The following MAEL variants were observed in gnomAD, a reference collection of about 807,000 sequenced individuals.
MAEL encodes the protein protein maelstrom homolog.
Under a neutral mutation model 62.0 loss-of-function variants are expected in MAEL, and 46 were observed. The ratio of observed to expected loss-of-function variants is 0.74; its 90% CI spans 0.59 to 0.95. The LOEUF is 0.95. MAEL is among the 40% of genes least tolerant of loss of function. The probability of loss-of-function intolerance (pLI) is 0.00; values close to 1 mark genes in which losing one functional copy is unlikely to be tolerated. For missense variants in MAEL, 497 were observed against 526.8 expected (o/e 0.94, Z 0.55); for synonymous variants, 172 against 175.5 (o/e 0.98, Z 0.16).
intron 9 of MAEL, among the ~76,000 whole-genome samples, chr1:167,017,059 C>T (rs1665425926): frequency 6.6e-6 from 1 of 151,954 alleles, no homozygotes; most frequent in Admixed American, 6.6e-5. Flanking sequence ...TGAATAAGGC[C>T]TAGTATTTGA....
At chr1:167,017,733 C>G in intron 9 of MAEL, 94 bp from the exon 10 acceptor site, 8 of 1,204,370 alleles carry the variant, frequency 6.6e-6, no homozygotes, top group Non-Finnish European at 9.2e-6. Flanking sequence ...AACAGTACCT[C>G]AGATGCTTTC....
At chr1:166,991,882 A>G (rs1222747000) in intron 3 of MAEL, among the ~76,000 whole-genome samples, 10 of 152,256 alleles carry the variant, frequency 6.6e-5, no homozygotes, top group Admixed American at 5.9e-4. Flanking sequence ...TATTCACACC[A>G]CAAAAAGTGA....
chr1:167,007,557 TTGTGTGTGTGTGTG>T lies in MAEL; in HGVS notation c.845+2188_845+2201del, dbSNP rs71073634. ...TAGTAGAGAGCTAGGAAATATATGTTTGTGTGTGTGTGTGTGTGTGTGTGTGTGTGTGTGTGTGT... is the reference window on the plus strand; with the variant it reads ...TAGTAGAGAGCTAGGAAATATATGTTTGTGTGTGTGTGTGTGTGTGTGTGT... On this transcript the variant is annotated intron_variant, in intron 8 of 11. Coordinates refer to ENST00000367872, the MANE Select transcript of MAEL (RefSeq NM_032858.3). 9.3e-5 allele frequency among the ~76,000 whole-genome samples: 12 copies of T among 128,474 alleles called. No individual in the cohort carries two copies. In the East Asian group the frequency reaches 1.3e-3, roughly 14 times the overall value. The allele number at this position is 128,474 out of a possible 152,430, so 84.3% of individuals were successfully genotyped here.
chr1:166,981,777 G>A (rs1328304774), intron 1 of MAEL, among the ~76,000 whole-genome samples: 1 of 152,158 alleles, frequency 6.6e-6, no homozygotes, highest in African/African-American at 2.4e-5. Context: ...GTTTACAAAA[G>A]GCAGAGTCAG....
intron 8 of MAEL, among the ~76,000 whole-genome samples, chr1:167,008,619 G>T (rs188539213): frequency 6.6e-6 from 1 of 151,634 alleles, no homozygotes; most frequent in East Asian, 1.9e-4. Flanking sequence ...CTCTTTGTAT[G>T]TTGTTGTTCT....
chr1:166,975,767 G>A (rs961707065), intron 1 of MAEL: 1 of 152,094 alleles, frequency 6.6e-6, no homozygotes, highest in Non-Finnish European at 1.5e-5. Flanking sequence ...CGCCGAGCGG[G>A]GAGCGACCAT....
intron 1 of MAEL, among the ~76,000 whole-genome samples, chr1:166,978,053 A>G (rs1663647791): frequency 6.6e-6 from 1 of 152,222 alleles, no homozygotes; most frequent in Non-Finnish European, 1.5e-5. Flanking sequence ...GTGTATATGA[A>G]GTGGAACGTG....
intron 4 of MAEL, among the ~76,000 whole-genome samples, chr1:166,993,743 A>G (rs1664290395): frequency 6.6e-6 from 1 of 152,202 alleles, no homozygotes; most frequent in Admixed American, 6.5e-5. Flanking sequence ...AGGCCCATTC[A>G]TGGACGTGGA....
chr1:166,980,281 C>G (rs1663720928), intron 1 of MAEL, among the ~76,000 whole-genome samples: 1 of 152,112 alleles, frequency 6.6e-6, no homozygotes, highest in African/African-American at 2.4e-5. Flanking sequence ...CAACCTCAGC[C>G]TCCCAAAGTG....
intron 1 of MAEL, among the ~76,000 whole-genome samples, chr1:166,980,816 A>T (rs1448416840): frequency 6.6e-6 from 1 of 152,120 alleles, no homozygotes; most frequent in Non-Finnish European, 1.5e-5. Context: ...TACAGCCAAA[A>T]GGCTATAGGA....
At chr1:167,008,665 T>C (rs992982569) in intron 8 of MAEL, among the ~76,000 whole-genome samples, 1 of 152,098 alleles carries the variant, frequency 6.6e-6, no homozygotes, top group African/African-American at 2.4e-5. Context: ...GTAATTTATC[T>C]TTTGCCTGAT....
chr1:167,004,140 C>G, intron 5 of MAEL, 40 bp from the exon 6 acceptor site: 1 of 1,572,542 alleles, frequency 6.4e-7, no homozygotes, highest in Non-Finnish European at 8.7e-7. Context: ...TAATATTTAT[C>G]TTGCTCAAAG....
At chr1:167,002,280 AT>A (rs1232140801) in intron 5 of MAEL, among the ~76,000 whole-genome samples, 7 of 152,150 alleles carry the variant, frequency 4.6e-5, no homozygotes, top group Non-Finnish European at 1.0e-4. Flanking sequence ...TTGGGAATAG[AT>A]TTTAAGATTT....
intron 5 of MAEL, among the ~76,000 whole-genome samples, chr1:167,003,140 G>T (rs759060018): frequency 6.3e-4 from 96 of 152,318 alleles, no homozygotes; most frequent in Non-Finnish European, 8.2e-4. Flanking sequence ...TCAGGCTGGA[G>T]TGCAGTGGTA....
Position 167,004,237 on chromosome 1 carries a change from CTG to C in MAEL, c.585_586del (p.Leu196ThrfsTer5), listed in dbSNP as rs1310067740. The C allele has an allele frequency of 1.2e-6, 2 of 1,609,164 alleles. No individual in the cohort carries two copies. The highest frequency in any genetic ancestry group is 1.7e-6 in the Non-Finnish European group (2 of 1,177,470). ...TTTGAACGTGGGCATAACCAAGCAA[CTG>C]TGTTACAAAACCTTTATAGATTTAT... On this transcript the variant is annotated frameshift_variant, in exon 6 of 12. Coordinates refer to ENST00000367872, the MANE Select transcript of MAEL (RefSeq NM_032858.3). LOFTEE classifies it high-confidence loss of function.
At chr1:166,993,978 C>G (rs1341682775) in intron 4 of MAEL, 50 bp from the exon 5 acceptor site, 1 of 1,465,898 alleles carries the variant, frequency 6.8e-7, no homozygotes, top group East Asian at 2.3e-5. Context: ...TACTGTAGCA[C>G]TAGAGAACTT....
At chr1:167,009,007 T>C (rs534410879) in intron 8 of MAEL, among the ~76,000 whole-genome samples, 4 of 152,262 alleles carry the variant, frequency 2.6e-5, no homozygotes, top group African/African-American at 9.6e-5. Flanking sequence ...CATATGAGAA[T>C]ATACTTTCTT....
At chr1:166,996,094 A>G (rs1664412271) in intron 5 of MAEL, among the ~76,000 whole-genome samples, 2 of 152,346 alleles carry the variant, frequency 1.3e-5, no homozygotes, top group East Asian at 1.9e-4. Flanking sequence ...ATCCCGGGAA[A>G]TGTGCCAATT....
chr1:167,008,168 A>T (rs1018926093), intron 8 of MAEL, among the ~76,000 whole-genome samples: 1 of 152,140 alleles, frequency 6.6e-6, no homozygotes, highest in Non-Finnish European at 1.5e-5. Flanking sequence ...GACTAGGGAC[A>T]TCTTTCCATT....
Sources: gnomAD v4.1 joint callset for allele counts (sites outside exome capture counted in the v4.1 genomes callset) on GRCh38, gnomAD v4.1.1 for gene constraint, MANE v1.5 for transcripts, NCBI Gene and HGNC (gene_info 2026-07-23, HGNC 2026-07-21) for gene names.